Variants in ROBO2 observed in about 807,000 individuals in gnomAD.
ROBO2 encodes the protein roundabout guidance receptor 2.
In ROBO2, 53 loss-of-function variants were observed where a neutral mutation model predicts 160.8. The observed-to-expected ratio is 0.33, with a 90% CI of 0.26 to 0.41. The LOEUF (loss-of-function observed/expected upper bound fraction) is 0.41. Ranked by LOEUF, ROBO2 falls within the 10% of genes least tolerant of loss-of-function variation. The probability of loss-of-function intolerance (pLI) is 1.00; values close to 1 mark genes in which losing one functional copy is unlikely to be tolerated. For synonymous variants in ROBO2, 664 were observed against 611.7 expected (o/e 1.09, Z -1.26); for missense variants, 1,577 against 1,722.4 (o/e 0.92, Z 1.49).
intron 2 of ROBO2, among the ~76,000 whole-genome samples, chr3:77,388,927 T>C (rs991140557): frequency 3.3e-5 from 5 of 152,188 alleles, no homozygotes; most frequent in African/African-American, 1.2e-4. Context: ...GGGGTTTTTC[T>C]GATTTATTTA....
At chr3:77,008,099 C>T (rs1448800632) in intron 2 of ROBO2, among the ~76,000 whole-genome samples, 3 of 151,946 alleles carry the variant, frequency 2.0e-5, no homozygotes. Context: ...GTTTCTGATG[C>T]TTCATGCATA....
chr3:77,240,576 C>T (rs763284063), intron 2 of ROBO2, among the ~76,000 whole-genome samples: 16 of 152,178 alleles, frequency 1.1e-4, no homozygotes, highest in South Asian at 2.1e-4. Context: ...GTGGCCAGAG[C>T]GGACACCGTG....
intron 2 of ROBO2, among the ~76,000 whole-genome samples, chr3:77,322,369 C>A (rs1386254071): frequency 6.6e-6 from 1 of 152,116 alleles, no homozygotes; most frequent in African/African-American, 2.4e-5. Flanking sequence ...TTCGCTTCAA[C>A]AGAGGTCTGG....
At chr3:76,624,660 C>A (rs1045787677) in intron 2 of ROBO2, among the ~76,000 whole-genome samples, 2 of 151,664 alleles carry the variant, frequency 1.3e-5, no homozygotes, top group African/African-American at 2.4e-5. Flanking sequence ...ATTAGCCGGG[C>A]ATGGTGGCAT....
chr3:77,084,446 C>T (rs983181156), intron 1 of ROBO2, among the ~76,000 whole-genome samples: 3 of 152,104 alleles, frequency 2.0e-5, no homozygotes, highest in African/African-American at 7.2e-5. Flanking sequence ...TCGAAGCTAT[C>T]ATTATTCTGT....
chr3:77,557,642 A>G (rs1196702405), intron 8 of ROBO2, among the ~76,000 whole-genome samples: 1 of 151,876 alleles, frequency 6.6e-6, no homozygotes, highest in Admixed American at 6.6e-5. Context: ...GCCTTTTTAT[A>G]CAATTAAGTC....
At chr3:76,817,528 A>G (rs2065776995) in intron 2 of ROBO2, among the ~76,000 whole-genome samples, 1 of 152,052 alleles carries the variant, frequency 6.6e-6, no homozygotes, top group African/African-American at 2.4e-5. Context: ...TTTTTGGAGA[A>G]GAGGTGGTAT....
intron 2 of ROBO2, among the ~76,000 whole-genome samples, chr3:76,312,378 A>G (rs749106351): frequency 1.3e-4 from 20 of 152,182 alleles, no homozygotes; most frequent in Admixed American, 9.8e-4. Flanking sequence ...ATGTACCACA[A>G]TATCTCAGCA....
chr3:75,928,644 T>C (rs1210338333), intron 1 of ROBO2, among the ~76,000 whole-genome samples: 2 of 152,226 alleles, frequency 1.3e-5, no homozygotes, highest in East Asian at 1.9e-4. Context: ...TTTTTTCTTA[T>C]ACACAGGAAA....
At chr3:76,081,112 TC>T in intron 2 of ROBO2, among the ~76,000 whole-genome samples, 1 of 151,734 alleles carries the variant, frequency 6.6e-6, no homozygotes, top group South Asian at 2.1e-4. Flanking sequence ...TTCATGAGAA[TC>T]ATTGAAAATT....
intron 2 of ROBO2, among the ~76,000 whole-genome samples, chr3:76,072,602 G>T (rs1027484399): frequency 6.6e-6 from 1 of 151,954 alleles, no homozygotes; most frequent in Non-Finnish European, 1.5e-5. Context: ...AACTCCTCTT[G>T]TATCAGCACA....
At chr3:77,291,643 A>G (rs1158262544) in intron 2 of ROBO2, among the ~76,000 whole-genome samples, 4 of 151,930 alleles carry the variant, frequency 2.6e-5, no homozygotes, top group East Asian at 1.9e-4. Flanking sequence ...AGCTGAGGCT[A>G]GATCACCCCA....
chr3:76,980,186 G>T (rs560887150), intron 2 of ROBO2, among the ~76,000 whole-genome samples: 2 of 152,248 alleles, frequency 1.3e-5, no homozygotes, highest in South Asian at 4.1e-4. Context: ...GTTTATTAAG[G>T]CTGCTGTATA....
intron 1 of ROBO2, among the ~76,000 whole-genome samples, chr3:77,077,451 A>G (rs1578766092): frequency 1.3e-5 from 2 of 151,948 alleles, no homozygotes; most frequent in Admixed American, 6.5e-5. Context: ...ATTCTAGGAC[A>G]ATAATGGATA....
chr3:76,103,749 C>T (rs2069800804), intron 2 of ROBO2, among the ~76,000 whole-genome samples: 2 of 152,282 alleles, frequency 1.3e-5, no homozygotes, highest in South Asian at 2.1e-4. Context: ...ATCAAATCTA[C>T]GCAGGTGTTG....
chr3:76,567,638 T>C (rs1472389600), intron 2 of ROBO2, among the ~76,000 whole-genome samples: 4 of 90,058 alleles, frequency 4.4e-5, no homozygotes, highest in Admixed American at 1.2e-4. Context: ...TATATATATA[T>C]ATATATATAT....
chr3:77,381,383 CT>C (rs1438937183), intron 2 of ROBO2, among the ~76,000 whole-genome samples: 1 of 152,060 alleles, frequency 6.6e-6, no homozygotes, highest in African/African-American at 2.4e-5. Context: ...TATAGAAGGT[CT>C]AAAGTACCTA....
intron 2 of ROBO2, among the ~76,000 whole-genome samples, chr3:76,880,093 T>A (rs2073179448): frequency 1.3e-5 from 2 of 152,162 alleles, no homozygotes. Flanking sequence ...TGTTTGAAAT[T>A]TCTCCCCTCG....
intron 2 of ROBO2, among the ~76,000 whole-genome samples, chr3:76,950,548 G>A (rs1315850552): frequency 6.6e-6 from 1 of 152,096 alleles, no homozygotes; most frequent in Non-Finnish European, 1.5e-5. Flanking sequence ...TGAGCTGGGA[G>A]ATCACAGCCA....
Sources: gnomAD v4.1 joint callset for allele counts (sites outside exome capture counted in the v4.1 genomes callset) on GRCh38, gnomAD v4.1.1 for gene constraint, MANE v1.5 for transcripts, NCBI Gene and HGNC (gene_info 2026-07-23, HGNC 2026-07-21) for gene names.